The following UBR7 variants were observed in gnomAD, a reference collection of about 807,000 sequenced individuals.
UBR7 encodes the protein ubiquitin protein ligase E3 component n-recognin 7.
A neutral mutation model predicts 57.0 loss-of-function variants in UBR7; 22 were observed. The ratio of observed to expected loss-of-function variants is 0.39; its 90% confidence interval spans 0.28 to 0.55. UBR7 has a LOEUF of 0.55. UBR7 is among the 20% of genes least tolerant of loss of function. The pLI is 0.69. For missense variants in UBR7, 395 were observed against 513.2 expected (o/e 0.77, Z 2.23); for synonymous variants, 167 against 179.8 (o/e 0.93, Z 0.57).
chr14:93,222,098 A>C (rs1309756590), intron 9 of UBR7, among the ~76,000 whole-genome samples: 7 of 151,794 alleles, frequency 4.6e-5, no homozygotes, highest in Admixed American at 3.9e-4. Context: ...CTTTTTAAAA[A>C]ATTTTGCTTT....
chr14:93,219,374 A>G lies in UBR7; in HGVS notation c.960+13A>G. 2 of 1,614,174 alleles carry G rather than the reference A, an allele frequency of 1.2e-6. No homozygotes were observed. Among genetic ancestry groups the G allele is most frequent in the African/African-American group, 1.3e-5 (1 of 75,044 alleles). On this transcript the variant is annotated intron_variant, in intron 8 of 10. Transcript: ENST00000013070. ...CCAAGACTGTATGGTAAAGTATCTG[A>G]TTGTGCTCAGTGTTAGCATGTTTTG...
intron 10 of UBR7, among the ~76,000 whole-genome samples, chr14:93,226,085 T>C (rs1234312001): frequency 6.6e-6 from 1 of 152,240 alleles, no homozygotes; most frequent in African/African-American, 2.4e-5. Context: ...GTATTACTGT[T>C]GGTGCTTATG....
chr14:93,215,298 A>G lies in UBR7; in HGVS notation c.601+17A>G, dbSNP rs778981715. On this transcript the variant is annotated intron_variant, in intron 6 of 10. Transcript: ENST00000013070. ...AATTGGCAGGTAGGTATCTTTGTGA[A>G]GTTGGTGTGCCACAAACTTGTGCTT... 1 of 1,555,720 alleles carries G rather than the reference A, an allele frequency of 6.4e-7. No homozygotes were observed. Among genetic ancestry groups the G allele is most frequent in the Admixed American group, 1.9e-5 (1 of 51,614 alleles).
chr14:93,226,858 A>G (rs982283169), intron 10 of UBR7, 85 bp from the exon 11 acceptor site: 9 of 888,102 alleles, frequency 1.0e-5, no homozygotes, highest in Admixed American at 3.6e-5. Context: ...TAACAGTATC[A>G]TTTGACTTGT....
chr14:93,211,923 C>A (rs2140098989), intron 3 of UBR7, 109 bp from the exon 4 acceptor site: 2 of 869,130 alleles, frequency 2.3e-6, no homozygotes, highest in Non-Finnish European at 3.6e-6. Context: ...AAAGATCAGC[C>A]TCTTGGGGGA....
In UBR7 at chr14:93,212,458, A is replaced by G. The variant is rs575557382; in HGVS notation, c.441+331A>G. 2.6e-5 allele frequency among the ~76,000 whole-genome samples: 4 copies of G among 152,328 alleles called. No homozygotes were observed. In the East Asian group the frequency reaches 7.7e-4, roughly 29 times the overall value. ...CAACTTCTTTTGTCTCTTTACGGAA[A>G]AAAATGGGGTATACAAACAGCATCC... On this transcript the variant is annotated intron_variant, in intron 4 of 10. Coordinates refer to ENST00000013070, the MANE Select transcript of UBR7 (RefSeq NM_175748.4).
intron 10 of UBR7, among the ~76,000 whole-genome samples, chr14:93,225,731 G>A (rs1285329116): frequency 1.3e-5 from 2 of 152,148 alleles, no homozygotes; most frequent in South Asian, 4.1e-4. Context: ...ATTCACTAGC[G>A]TTTCTACTCT....
chr14:93,213,787 T>G (rs1240314642), intron 4 of UBR7, among the ~76,000 whole-genome samples: 1 of 152,182 alleles, frequency 6.6e-6, no homozygotes, highest in African/African-American at 2.4e-5. Flanking sequence ...AAGAGTACTT[T>G]TTGTCTTTAG....
chr14:93,210,876 G>A (rs1595264851), intron 3 of UBR7, among the ~76,000 whole-genome samples, 168 bp downstream of exon 3: 1 of 152,176 alleles, frequency 6.6e-6, no homozygotes, highest in Admixed American at 6.5e-5. Context: ...TATATAAACT[G>A]TTGAGAGCCT....
rs542032923 is a variant in UBR7, at chr14:93,219,217, G to A, written c.816G>A (p.Val272=). Residue 272 remains valine, a synonymous_variant, in exon 8 of 11, where the codon GTG becomes GTA. Transcript: ENST00000013070. The stretch of plus-strand genomic sequence containing the variant: ...AAAACTTAATTTTATTTCAGACAGT[G>A]TTTAAGAATGAAAGCCTCAACGCAG... ...GSSSESDLQT[V]FKNESLNAES... 1 of 1,614,032 alleles carries A rather than the reference G, an allele frequency of 6.2e-7. No individual in the cohort carries two copies. The highest frequency in any genetic ancestry group is 8.5e-7 in the Non-Finnish European group (1 of 1,180,042).
Position 93,228,781 on chromosome 14 carries a change from CTT to C in UBR7, c.*1749_*1750del, listed in dbSNP as rs909082011. The C allele has an allele frequency of 8.8e-6, 4 of 453,986 alleles. No homozygotes were observed. The highest frequency in any genetic ancestry group is 6.0e-5 in the African/African-American group (3 of 50,000). 28.1% of individuals were successfully genotyped at this position (453,986 alleles called of 1,614,324 possible). ...TTAGTATACCATCATGTCCGGAAAA[CTT>C]TTAATCTTCTCAAATATCTGATGTA... On this transcript the variant is annotated 3_prime_UTR_variant, in exon 11 of 11. Transcript: ENST00000013070.
rs371594824 is a variant in UBR7, at chr14:93,209,937, A to G, written c.264A>G (p.Leu88=). The change falls in exon 2 of 11, where the codon CTA becomes CTG. Residue 88 remains leucine, a synonymous_variant. Coordinates refer to ENST00000013070, the MANE Select transcript of UBR7 (RefSeq NM_175748.4). ...CSYECHGSHK[L]FELYTKRNFR... is the part of the protein sequence containing the mutation. ...ATGAATGTCATGGAAGTCACAAACTATTTGAGCTATACACAAAAAGGTAAA... is the reference window on the plus strand; with the variant it reads ...ATGAATGTCATGGAAGTCACAAACTGTTTGAGCTATACACAAAAAGGTAAA... 3.1e-6 allele frequency: 5 copies of G among 1,613,936 alleles called. No individual in the cohort carries two copies. In the African/African-American group the frequency reaches 5.3e-5, roughly 17 times the overall value.
intron 10 of UBR7, among the ~76,000 whole-genome samples, 162 bp downstream of exon 10, chr14:93,222,536 AG>A (rs1175858871): frequency 2.6e-5 from 4 of 152,082 alleles, no homozygotes; most frequent in Non-Finnish European, 5.9e-5. Context: ...CAAGGTCAGG[AG>A]TTCAAGACCA....
intron 4 of UBR7, 95 bp from the exon 5 acceptor site, chr14:93,214,834 G>A (rs1351475420): frequency 8.9e-7 from 1 of 1,126,076 alleles, no homozygotes; most frequent in Admixed American, 1.9e-5. Flanking sequence ...AGTTCATGTA[G>A]AACAAATATT....
rs142143285 is a variant in UBR7 at position 93,216,427 on chromosome 14, T to C, written c.601+1146T>C. ...TGGTCCTGAGGCATTAACTATCTTA[T>C]TGGTAATGCTTTATGTATTTCTTTA... On this transcript the variant is annotated intron_variant, in intron 6 of 10. Coordinates refer to ENST00000013070, the MANE Select transcript of UBR7 (RefSeq NM_175748.4). Among the ~76,000 whole-genome samples the C allele has an allele frequency of 3.3e-5, 5 of 152,264 alleles. No individual in the cohort carries two copies. In the East Asian group the frequency reaches 9.7e-4, roughly 29 times the overall value.
chr14:93,219,485 G>A, intron 8 of UBR7, 124 bp downstream of exon 8: 1 of 1,269,576 alleles, frequency 7.9e-7, no homozygotes, highest in Admixed American at 2.4e-5. Flanking sequence ...AAGAACACCT[G>A]AACAATATAT....
chr14:93,221,014 C>T (rs562650384), intron 9 of UBR7, among the ~76,000 whole-genome samples: 5 of 152,196 alleles, frequency 3.3e-5, no homozygotes, highest in African/African-American at 7.2e-5. Flanking sequence ...GGTGCATTCT[C>T]AGCTCACTGC....
chr14:93,219,751 C>T (rs1300793094), intron 8 of UBR7, among the ~76,000 whole-genome samples: 2 of 152,044 alleles, frequency 1.3e-5, no homozygotes, highest in Admixed American at 6.6e-5. Context: ...AGTTAGGTCT[C>T]GATCACCTGA....
At chr14:93,218,423 A>T in intron 6 of UBR7, 104 bp from the exon 7 acceptor site, 1 of 960,332 alleles carries the variant, frequency 1.0e-6, no homozygotes, top group Non-Finnish European at 1.6e-6. Flanking sequence ...AAAAAAAAAA[A>T]TAATAATAAT....
Sources: gnomAD v4.1 joint callset for allele counts (sites outside exome capture counted in the v4.1 genomes callset) on GRCh38, gnomAD v4.1.1 for gene constraint, MANE v1.5 for transcripts, NCBI Gene and HGNC (gene_info 2026-07-23, HGNC 2026-07-21) for gene names.